Variants in LINGO2 observed in about 807,000 individuals in gnomAD.
The protein encoded by LINGO2 is leucine rich repeat and Ig domain containing 2.
In LINGO2, 14 loss-of-function variants were observed where a neutral mutation model predicts 30.6. The ratio of observed to expected loss-of-function variants is 0.46; its 90% CI spans 0.30 to 0.72. The LOEUF (loss-of-function observed/expected upper bound fraction) is 0.72. Ranked by LOEUF, LINGO2 falls within the 30% of genes least tolerant of loss-of-function variation. LINGO2 has a pLI of 0.07. For missense variants in LINGO2, 729 were observed against 751.7 expected, an observed-to-expected ratio of 0.97 and a Z score of 0.35; for synonymous variants, 317 against 288.5, an observed-to-expected ratio of 1.10 and a Z score of -1.00.
the LINGO2 span, among the ~76,000 whole-genome samples, chr9:29,025,283 G>C: frequency 6.6e-6 from 1 of 152,070 alleles, no homozygotes; most frequent in Non-Finnish European, 1.5e-5. Context: ...GCATGTTATA[G>C]CTTTTCTTTG....
At chr9:29,016,788 G>A in the LINGO2 span, among the ~76,000 whole-genome samples, 1 of 152,080 alleles carries the variant, frequency 6.6e-6, no homozygotes, top group African/African-American at 2.4e-5. Context: ...TGTTCAAAAG[G>A]AGACAACTGA....
the LINGO2 span, among the ~76,000 whole-genome samples, chr9:28,726,957 A>G: frequency 6.6e-6 from 1 of 152,090 alleles, no homozygotes; most frequent in Non-Finnish European, 1.5e-5. Context: ...TAGCCACTAA[A>G]TATATTGATG....
chr9:29,149,788 T>G, the LINGO2 span, among the ~76,000 whole-genome samples: 6 of 152,252 alleles, frequency 3.9e-5, no homozygotes, highest in East Asian at 1.2e-3. Flanking sequence ...AACGAAGCCA[T>G]AGATGCACAT....
chr9:29,166,150 G>C, the LINGO2 span, among the ~76,000 whole-genome samples: 1 of 152,094 alleles, frequency 6.6e-6, no homozygotes, highest in Non-Finnish European at 1.5e-5. Context: ...TAGGCAAGTA[G>C]ACGTTTAGAA....
chr9:29,057,917 T>C, the LINGO2 span, among the ~76,000 whole-genome samples: 3 of 152,100 alleles, frequency 2.0e-5, no homozygotes, highest in Non-Finnish European at 4.4e-5. Flanking sequence ...TCTGTCCTAA[T>C]AGAGTTCAAC....
intron 4 of LINGO2, among the ~76,000 whole-genome samples, chr9:28,014,846 C>G (rs1017664810): frequency 6.6e-6 from 1 of 152,078 alleles, no homozygotes; most frequent in Non-Finnish European, 1.5e-5. Context: ...TGACTACTAC[C>G]TCATGCAAAT....
chr9:29,105,851 G>C, the LINGO2 span, among the ~76,000 whole-genome samples: 29 of 152,254 alleles, frequency 1.9e-4, no homozygotes, highest in South Asian at 5.8e-3. Context: ...ACCTCGGGGA[G>C]ACAGCACAAT....
chr9:28,967,498 G>A, the LINGO2 span, among the ~76,000 whole-genome samples: 3 of 152,080 alleles, frequency 2.0e-5, no homozygotes, highest in South Asian at 6.2e-4. Context: ...TATGACCTGG[G>A]GCATTCCTCC....
intron 4 of LINGO2, among the ~76,000 whole-genome samples, chr9:28,094,888 A>C (rs556052672): frequency 6.6e-6 from 1 of 152,248 alleles, no homozygotes; most frequent in South Asian, 2.1e-4. Flanking sequence ...GCTTAGAAGC[A>C]TAATGCACTC....
At chr9:28,131,620 G>T (rs1827380334) in intron 4 of LINGO2, among the ~76,000 whole-genome samples, 1 of 152,088 alleles carries the variant, frequency 6.6e-6, no homozygotes. Flanking sequence ...AGTTTAGCTG[G>T]TAATTTTTTT....
the LINGO2 span, among the ~76,000 whole-genome samples, chr9:28,700,895 G>C: frequency 6.6e-6 from 1 of 151,850 alleles, no homozygotes; most frequent in African/African-American, 2.4e-5. Context: ...TAATTCACTA[G>C]TATCATATGA....
At chr9:28,054,716 G>C (rs776519382) in intron 4 of LINGO2, among the ~76,000 whole-genome samples, 1 of 152,036 alleles carries the variant, frequency 6.6e-6, no homozygotes, top group African/African-American at 2.4e-5. Flanking sequence ...ATAAGTTTAA[G>C]TTAAAAACCC....
At chr9:28,754,725 G>T in the LINGO2 span, among the ~76,000 whole-genome samples, 2 of 151,414 alleles carry the variant, frequency 1.3e-5, no homozygotes, top group Non-Finnish European at 2.9e-5. Context: ...CCACCTCCCA[G>T]GTTCACACCA....
the LINGO2 span, among the ~76,000 whole-genome samples, chr9:28,930,881 A>G: frequency 5.1e-3 from 780 of 152,296 alleles, 5 homozygotes; most frequent in African/African-American, 0.018. This position sits in a 1 kb window ranked among gnomAD's most constrained non-coding sequence, Gnocchi z 4.2. Context: ...ATCACCTGTG[A>G]GAAGGTATTT....
At chr9:29,131,868 G>T in the LINGO2 span, among the ~76,000 whole-genome samples, 8 of 151,192 alleles carry the variant, frequency 5.3e-5, no homozygotes, top group African/African-American at 1.9e-4. Context: ...CCCACTAGCT[G>T]GGTTCACATT....
rs185580294 is a variant in LINGO2, at chr9:28,562,745, C to A, written c.-364-86720G>T. ...GATTTTATATTTTAAAAGCTTTGGACAGGATAGACACAAATAGCTTTTACT... is the reference window on the plus strand; with the variant it reads ...GATTTTATATTTTAAAAGCTTTGGAAAGGATAGACACAAATAGCTTTTACT... On this transcript the variant is annotated intron_variant, in intron 1 of 5. Transcript: ENST00000379992. 2.8e-3 allele frequency among the ~76,000 whole-genome samples: 420 copies of A among 152,126 alleles called. 4 individuals carry two copies. The highest frequency in any genetic ancestry group is 3.7e-3 in the Non-Finnish European group (252 of 68,020).
chr9:28,915,425 A>G, the LINGO2 span, among the ~76,000 whole-genome samples: 3 of 152,254 alleles, frequency 2.0e-5, no homozygotes, highest in Admixed American at 6.5e-5. Context: ...AATCTACCTT[A>G]GTAACATATT....
intron 3 of LINGO2, among the ~76,000 whole-genome samples, chr9:28,352,169 G>T (rs995773228): frequency 2.6e-5 from 4 of 151,756 alleles, no homozygotes; most frequent in African/African-American, 9.7e-5. Context: ...GGCAGGAGAA[G>T]GAAATAAAGG....
chr9:28,025,417 T>C (rs762124547), intron 4 of LINGO2, among the ~76,000 whole-genome samples: 3 of 152,214 alleles, frequency 2.0e-5, no homozygotes, highest in Non-Finnish European at 4.4e-5. Context: ...AGGAACTAGC[T>C]ACAATAAACA....
Sources: allele counts gnomAD v4.1 joint callset (sites outside exome capture counted in the v4.1 genomes callset), GRCh38; gene constraint gnomAD v4.1.1; non-coding constraint Gnocchi (gnomAD v3.1); transcripts MANE v1.5; gene names NCBI Gene and HGNC (gene_info 2026-07-23, HGNC 2026-07-21).